Variants in CHST8 observed in about 807,000 individuals in gnomAD.
CHST8 encodes GALNAC-4-ST1.
A neutral mutation model predicts 15.0 loss-of-function variants in CHST8; 10 were observed. The observed-to-expected ratio is 0.67, with a 90% confidence interval of 0.41 to 1.13. The LOEUF is 1.13. Among genes scored for constraint, CHST8 ranks in the 50% most tolerant of loss-of-function variants. The probability of loss-of-function intolerance (pLI) is 0.00; values close to 1 mark genes in which losing one functional copy is unlikely to be tolerated. For synonymous variants in CHST8, 259 were observed against 256.6 expected (o/e 1.01, Z -0.09); for missense variants, 634 against 608.2 (o/e 1.04, Z -0.45).
intron 3 of CHST8, among the ~76,000 whole-genome samples, chr19:33,757,387 G>GAAA (rs745445464): frequency 1.9e-5 from 1 of 51,586 alleles, no homozygotes; most frequent in African/African-American, 6.2e-5. Flanking sequence ...CTCAAAAAAA[G>GAAA]AAGAAAGAAA....
At chr19:33,753,178 C>T (rs1187031390) in intron 3 of CHST8, among the ~76,000 whole-genome samples, 9 of 151,938 alleles carry the variant, frequency 5.9e-5, no homozygotes, top group Admixed American at 5.9e-4. Flanking sequence ...ACAGCCAGAG[C>T]CTGCACCTTC....
chr19:33,675,093 T>C (rs1181631999), intron 2 of CHST8, among the ~76,000 whole-genome samples: 2 of 152,156 alleles, frequency 1.3e-5, no homozygotes, highest in Non-Finnish European at 2.9e-5. Context: ...AGTGAATGTG[T>C]AGTGGGCCCT....
intron 3 of CHST8, among the ~76,000 whole-genome samples, chr19:33,689,835 G>A (rs985370930): frequency 6.6e-6 from 1 of 152,192 alleles, no homozygotes; most frequent in Non-Finnish European, 1.5e-5. Context: ...GACAAAGGGG[G>A]TCAGGGTACC....
chr19:33,764,670 G>A (rs1974797344), intron 3 of CHST8, among the ~76,000 whole-genome samples: 1 of 152,144 alleles, frequency 6.6e-6, no homozygotes, highest in South Asian at 2.1e-4. Flanking sequence ...ATCAAGTTAG[G>A]CCACTAGAGT....
At position 33,689,361 on chromosome 19, in the gene CHST8, C is replaced by G; in HGVS notation, c.100C>G (p.Pro34Ala). ...CCTCCTCTTCATCAGCCTGCAGGAC[C>G]CTACGGAGCTCGCCCCCCAGCAGGT... is the stretch of plus-strand genomic sequence containing the variant. ...GLLLFISLQD[P>A]TELAPQQVPG... Residue 34 changes from proline (P) to alanine (A), a missense_variant, in exon 3 of 5, where the codon CCT becomes GCT. Coordinates refer to ENST00000650847, the MANE Select transcript of CHST8 (RefSeq NM_001127895.2). 1 of 1,605,604 alleles carries G rather than the reference C, an allele frequency of 6.2e-7. No homozygotes were observed. The highest frequency in any genetic ancestry group is 1.1e-5 in the South Asian group (1 of 90,140).
intron 3 of CHST8, among the ~76,000 whole-genome samples, chr19:33,718,119 T>C (rs1973697816): frequency 6.6e-6 from 1 of 152,096 alleles, no homozygotes; most frequent in Non-Finnish European, 1.5e-5. Flanking sequence ...CAGCTTGGAG[T>C]CCATAGGTTA....
rs139487059 is a variant in CHST8, at chr19:33,771,971, C to T, written c.183C>T (p.Gly61=). Residue 61 remains glycine (G), a synonymous_variant, in exon 5 of 5, where the codon GGC becomes GGT. Coordinates refer to ENST00000650847, the MANE Select transcript of CHST8 (RefSeq NM_001127895.2). ...PRQPHHDLPP[G]GSQDGDLKEP... The stretch of plus-strand genomic sequence containing the variant: ...TCTTGCCCCAGGACCTCCCACCAGG[C>T]GGCTCCCAGGATGGTGACTTGAAGG... The T allele has an allele frequency of 1.9e-6, 3 of 1,568,990 alleles. No individual in the cohort carries two copies. Among genetic ancestry groups the T allele is most frequent in the African/African-American group, 1.4e-5 (1 of 72,956 alleles).
intron 1 of CHST8, among the ~76,000 whole-genome samples, chr19:33,632,155 T>A (rs1416470411): frequency 5.9e-5 from 9 of 151,392 alleles, no homozygotes; most frequent in South Asian, 2.1e-4. Context: ...TTTTTTTTTT[T>A]TCCAGACAGG....
chr19:33,757,462 G>A (rs11882518), intron 3 of CHST8, among the ~76,000 whole-genome samples: 1 of 38,142 alleles, frequency 2.6e-5, no homozygotes, highest in African/African-American at 1.1e-4. Context: ...AAGAAAGAAA[G>A]AAAGAAAGAA....
chr19:33,688,009 T>A (rs10408605), intron 2 of CHST8, among the ~76,000 whole-genome samples: 53,850 of 152,066 alleles, frequency 0.35, 11,472 homozygotes, highest in African/African-American at 0.59. Flanking sequence ...AGGGTGGGGA[T>A]GTTCCCTCCA....
chr19:33,650,125 T>C (rs1452846092), intron 1 of CHST8, among the ~76,000 whole-genome samples: 1 of 152,182 alleles, frequency 6.6e-6, no homozygotes, highest in African/African-American at 2.4e-5. Context: ...AGTTGTTGTG[T>C]CTAAACCACA....
At chr19:33,636,102 A>AAAC (rs1555710159) in intron 1 of CHST8, among the ~76,000 whole-genome samples, 1 of 151,810 alleles carries the variant, frequency 6.6e-6, no homozygotes, top group Non-Finnish European at 1.5e-5. Flanking sequence ...TAAAAAAAAA[A>AAAC]AAAAAACCTC....
intron 2 of CHST8, among the ~76,000 whole-genome samples, chr19:33,679,899 T>C (rs1166503428): frequency 6.6e-6 from 1 of 152,160 alleles, no homozygotes; most frequent in Non-Finnish European, 1.5e-5. Flanking sequence ...GGCTGCCTCA[T>C]CTGAGATCAC....
chr19:33,763,548 C>T (rs898027713), intron 3 of CHST8, among the ~76,000 whole-genome samples: 2 of 152,136 alleles, frequency 1.3e-5, no homozygotes, highest in Admixed American at 6.5e-5. Context: ...AGCAGGTGGC[C>T]GTGACTGTGA....
chr19:33,702,470 C>G (rs1047107101), intron 3 of CHST8, among the ~76,000 whole-genome samples: 1 of 152,226 alleles, frequency 6.6e-6, no homozygotes, highest in African/African-American at 2.4e-5. Flanking sequence ...GTCAGCTCCC[C>G]AAACCGAAGC....
intron 3 of CHST8, among the ~76,000 whole-genome samples, chr19:33,766,824 C>T (rs1306885009): frequency 6.6e-6 from 1 of 152,234 alleles, no homozygotes; most frequent in Non-Finnish European, 1.5e-5. Flanking sequence ...GAGTGGACAG[C>T]GCCAATGGGT....
chr19:33,669,353 A>G (rs746421991), intron 2 of CHST8, among the ~76,000 whole-genome samples: 3 of 152,192 alleles, frequency 2.0e-5, no homozygotes, highest in Non-Finnish European at 4.4e-5. Flanking sequence ...TGCAGCTCAT[A>G]TCAAAGATGG....
At position 33,689,404 on chromosome 19, in the gene CHST8, G is replaced by T. The variant is rs372444138; in HGVS notation, c.130+13G>T. The T allele has an allele frequency of 3.2e-6, 5 of 1,570,894 alleles. No individual in the cohort carries two copies. Among genetic ancestry groups the T allele is most frequent in the African/African-American group, 1.4e-5 (1 of 73,560 alleles). On this transcript the variant is annotated intron_variant, in intron 3 of 4. Transcript: ENST00000650847. ...CAGCAGGTGCCAGGTGAGTCCTTGC[G>T]CTGAGTCCTGCCATCACTGCCCCCA...
At position 33,757,458 on chromosome 19, in the gene CHST8, G is replaced by T. The variant is rs1568358478; in HGVS notation, c.131-13955G>T. 2.4e-3 allele frequency among the ~76,000 whole-genome samples: 87 copies of T among 36,732 alleles called. 11 individuals are homozygous for T. Among genetic ancestry groups the T allele is most frequent in the Middle Eastern group, 0.014 (1 of 70 alleles). The allele number at this position is 36,732 out of a possible 152,430, so 24.1% of individuals were successfully genotyped here. A position where few individuals can be genotyped will look rare whatever the true frequency, so the allele number is the denominator to read the frequency against. ...AGAAAGAAAGAAAGAAAGAAAGAAA[G>T]AAAGAAAGAAAGAAAGAAAGAAAGA... On this transcript the variant is annotated intron_variant, in intron 3 of 4. Coordinates refer to ENST00000650847, the MANE Select transcript of CHST8 (RefSeq NM_001127895.2).
Sources: gnomAD v4.1 joint callset for allele counts (sites outside exome capture counted in the v4.1 genomes callset) on GRCh38, gnomAD v4.1.1 for gene constraint, MANE v1.5 for transcripts, NCBI Gene and HGNC (gene_info 2026-07-23, HGNC 2026-07-21) for gene names.